Variants in ATAD2B observed in about 807,000 individuals in gnomAD.
ATAD2B encodes the protein ATPase family AAA domain containing 2B.
ATAD2B carries 40 observed loss-of-function variants against 167.6 expected under a neutral mutation model. That is an observed-to-expected ratio of 0.24 (90% CI 0.19 to 0.31). ATAD2B has a LOEUF of 0.31. Ranked by LOEUF, ATAD2B falls within the 10% of genes least tolerant of loss-of-function variation. ATAD2B has a pLI of 1.00. For missense variants in ATAD2B, 1,242 were observed against 1,757.2 expected, an observed-to-expected ratio of 0.71 and a Z score of 5.24; for synonymous variants, 579 against 596.5, an observed-to-expected ratio of 0.97 and a Z score of 0.43.
intron 14 of ATAD2B, among the ~76,000 whole-genome samples, chr2:23,831,111 C>G (rs182379945): frequency 2.0e-5 from 3 of 152,192 alleles, no homozygotes; most frequent in African/African-American, 7.2e-5. Context: ...ATGTATTTTA[C>G]TCTATATGGC....
chr2:23,880,009 G>T (rs1033882740), intron 7 of ATAD2B, among the ~76,000 whole-genome samples: 2 of 150,152 alleles, frequency 1.3e-5, no homozygotes, highest in African/African-American at 2.5e-5. Context: ...AGTGCACTGA[G>T]ATAATGCCAC....
chr2:23,758,854 G>C (rs1361968832), intron 24 of ATAD2B, among the ~76,000 whole-genome samples: 4 of 152,154 alleles, frequency 2.6e-5, no homozygotes, highest in Admixed American at 6.6e-5. Context: ...TATGTGAAAA[G>C]GGAGGCCTAC....
chr2:23,822,260 C>T (rs1035473525), intron 16 of ATAD2B, among the ~76,000 whole-genome samples: 6 of 152,272 alleles, frequency 3.9e-5, no homozygotes, highest in Middle Eastern at 3.4e-3. Flanking sequence ...CCAGGCTGGG[C>T]GCGATGACTC....
intron 18 of ATAD2B, among the ~76,000 whole-genome samples, chr2:23,808,173 ATATATTTATATATATATT>A (rs1328809043): frequency 5.1e-5 from 5 of 97,212 alleles, no homozygotes; most frequent in East Asian, 2.3e-4. Context: ...TATAAGTGAT[ATATATTTATATATATATT>A]TATATTTATA....
downstream of ATAD2B, among the ~76,000 whole-genome samples, chr2:23,746,190 GTT>G (rs1412422568): frequency 1.3e-5 from 2 of 152,150 alleles, no homozygotes; most frequent in African/African-American, 4.8e-5. Flanking sequence ...CTGAAATGAT[GTT>G]TGTTATCTGT....
At chr2:23,726,771 T>G in the ATAD2B span, among the ~76,000 whole-genome samples, 3 of 152,180 alleles carry the variant, frequency 2.0e-5, no homozygotes, top group Non-Finnish European at 4.4e-5. Context: ...AAATACTACC[T>G]GAGTCCACTT....
chr2:23,775,218 T>G (rs1036275262), intron 22 of ATAD2B, among the ~76,000 whole-genome samples: 26 of 141,658 alleles, frequency 1.8e-4, no homozygotes, highest in South Asian at 4.4e-4. Flanking sequence ...TTTTTTTATG[T>G]TTTATTTTTT....
At chr2:23,775,629 A>T (rs1387188992) in intron 22 of ATAD2B, among the ~76,000 whole-genome samples, 1 of 152,226 alleles carries the variant, frequency 6.6e-6, no homozygotes, top group Non-Finnish European at 1.5e-5. Context: ...AAAACATGTA[A>T]ATACTCCCAG....
intron 17 of ATAD2B, chr2:23,811,050 T>C (rs558040887): frequency 3.2e-3 from 465 of 143,566 alleles, no homozygotes; most frequent in African/African-American, 0.013. Flanking sequence ...AACAAACAAA[T>C]AATAAAATAA....
At position 23,862,401 on chromosome 2, in the gene ATAD2B, GTTTTTTTTTTTTTT is replaced by G. The variant is rs750865073; in HGVS notation, c.1479+966_1479+979del. On this transcript the variant is annotated intron_variant, in intron 12 of 27. Coordinates refer to ENST00000238789, the MANE Select transcript of ATAD2B (RefSeq NM_017552.4). ...CAAAAGTGAATTTATATTTGGACTG[GTTTTTTTTTTTTTT>G]TTTTTTTTTTTGAGAGACAGAGTCT... Among the ~76,000 whole-genome samples the G allele has an allele frequency of 1.4e-3, 138 of 99,444 alleles. 1 individual carries two copies. Among genetic ancestry groups the G allele is most frequent in the African/African-American group, 5.2e-3 (131 of 25,162 alleles). 65.2% of individuals were successfully genotyped at this position (99,444 alleles called of 152,430 possible).
At chr2:23,926,295 G>A (rs1704802884) in intron 1 of ATAD2B, among the ~76,000 whole-genome samples, 2 of 152,134 alleles carry the variant, frequency 1.3e-5, no homozygotes, top group African/African-American at 4.8e-5. Context: ...TTCGAATGAC[G>A]CCGAAAGGGA....
the ATAD2B span, among the ~76,000 whole-genome samples, chr2:23,740,501 AC>A: frequency 1.9e-3 from 284 of 151,864 alleles, 2 homozygotes; most frequent in African/African-American, 6.5e-3. Context: ...AAATTCAACA[AC>A]CCTTCATGCT....
intron 8 of ATAD2B, among the ~76,000 whole-genome samples, chr2:23,871,961 A>G (rs915010435): frequency 2.6e-5 from 4 of 151,844 alleles, no homozygotes; most frequent in African/African-American, 9.7e-5. Context: ...CACTGCAACC[A>G]CTGTCTCCTG....
chr2:23,764,487 C>T (rs1677148045), intron 23 of ATAD2B, among the ~76,000 whole-genome samples: 1 of 152,136 alleles, frequency 6.6e-6, no homozygotes, highest in Non-Finnish European at 1.5e-5. Context: ...TCACAAGCTC[C>T]TTAGCATGGC....
intron 24 of ATAD2B, 25 bp downstream of exon 24, chr2:23,762,184 G>C: frequency 1.2e-6 from 2 of 1,610,566 alleles, no homozygotes; most frequent in Non-Finnish European, 1.7e-6. Flanking sequence ...TCTCACTACT[G>C]GATAACATGA....
At chr2:23,879,825 T>C (rs181040916) in intron 7 of ATAD2B, among the ~76,000 whole-genome samples, 1 of 151,722 alleles carries the variant, frequency 6.6e-6, no homozygotes, top group Non-Finnish European at 1.5e-5. Context: ...GAGGCCAAGG[T>C]GGGCCAATCA....
At chr2:23,872,777 C>A in intron 8 of ATAD2B, 1 of 931,504 alleles carries the variant, frequency 1.1e-6, no homozygotes. Context: ...TACAGGCAAC[C>A]ACATCTGATC....
intron 1 of ATAD2B, among the ~76,000 whole-genome samples, chr2:23,917,583 T>G (rs1703225202): frequency 6.6e-6 from 1 of 151,526 alleles, no homozygotes; most frequent in South Asian, 2.1e-4. Flanking sequence ...AGGCCCAGAC[T>G]CTCAGTCTGC....
At position 23,758,004 on chromosome 2, in the gene ATAD2B, G is replaced by T. The variant is rs774631527; in HGVS notation, c.3492C>A (p.Thr1164=). ...VNNLKKDEED[T]KFADYENHTE... is the part of the protein sequence containing the mutation. ...TATGGTTCTCATAGTCTGCAAATTTGGTGTCTTCTTCATCTTTTTTTAAAT... is the reference window on the plus strand; with the variant it reads ...TATGGTTCTCATAGTCTGCAAATTTTGTGTCTTCTTCATCTTTTTTTAAAT... Residue 1164 remains threonine, a synonymous_variant, in exon 25 of 28, where the codon ACC becomes ACA. Transcript: ENST00000238789. 2 of 1,610,850 alleles carry T rather than the reference G, an allele frequency of 1.2e-6. No individual in the cohort carries two copies. The highest frequency in any genetic ancestry group is 1.7e-6 in the Non-Finnish European group (2 of 1,178,478).
Sources: gnomAD v4.1 joint callset for allele counts (sites outside exome capture counted in the v4.1 genomes callset) on GRCh38, gnomAD v4.1.1 for gene constraint, MANE v1.5 for transcripts, NCBI Gene and HGNC (gene_info 2026-07-23, HGNC 2026-07-21) for gene names.